Variants in CTNNA1 observed in about 807,000 individuals in gnomAD.
CTNNA1 encodes catenin alpha-1.
In CTNNA1, 37 loss-of-function variants were observed where a neutral mutation model predicts 98.4. The ratio of observed to expected loss-of-function variants is 0.38; its 90% CI spans 0.29 to 0.49. CTNNA1 has a LOEUF of 0.49. CTNNA1 is among the 20% of genes least tolerant of loss of function. CTNNA1 has a pLI of 0.95. For synonymous variants in CTNNA1, 404 were observed against 413.2 expected (o/e 0.98, Z 0.27); for missense variants, 761 against 1,147.2 (o/e 0.66, Z 4.86).
At chr5:138,852,324 T>G (rs1201111289) in intron 7 of CTNNA1, among the ~76,000 whole-genome samples, 1 of 152,150 alleles carries the variant, frequency 6.6e-6, no homozygotes, top group African/African-American at 2.4e-5. Flanking sequence ...ACATTTTTTT[T>G]GCTTCCAGGC....
At position 138,930,524 on chromosome 5, in the gene CTNNA1, G is replaced by A. The variant is rs777634448; in HGVS notation, c.2062G>A (p.Val688Met). 3.1e-6 allele frequency: 5 copies of A among 1,613,954 alleles called. No individual in the cohort carries two copies. In the African/African-American group the frequency reaches 4.0e-5, roughly 13 times the overall value. ...GCAAAAAGCGAAGATTGCGGAACAGGTGGCCAGCTTCCAGGAAGAAAAGAG... is the reference window on the plus strand; with the variant it reads ...GCAAAAAGCGAAGATTGCGGAACAGATGGCCAGCTTCCAGGAAGAAAAGAG... ...QEQKAKIAEQ[V>M]ASFQEEKSKL... Residue 688 changes from valine to methionine, a missense_variant, in exon 15 of 18, where the codon GTG (valine) becomes ATG (methionine). Val to Met is a conservative substitution (Grantham distance 21, BLOSUM62 1). Transcript: ENST00000302763.
rs368676572 is a variant in CTNNA1, at chr5:138,904,370, A to G, written c.1318A>G (p.Ile440Val). ...LIEVANLACSISNNEEGVKLV... is the reference protein window; with the variant it reads ...LIEVANLACSVSNNEEGVKLV... ...ATAGGTTGCCAACTTGGCCTGTTCC[A>G]TCTCAAATAATGAAGAAGGTGTAAA... The change falls in exon 10 of 18, where the codon ATC (isoleucine) becomes GTC (valine). Residue 440 changes from isoleucine to valine, a missense_variant. Transcript: ENST00000302763. The G allele has an allele frequency of 5.0e-6, 8 of 1,614,080 alleles. No individual in the cohort carries two copies. Among genetic ancestry groups the G allele is most frequent in the Non-Finnish European group, 6.8e-6 (8 of 1,179,960 alleles).
At chr5:138,811,138 G>T (rs570745334) in intron 4 of CTNNA1, among the ~76,000 whole-genome samples, 70 of 151,926 alleles carry the variant, frequency 4.6e-4, no homozygotes, top group Admixed American at 1.4e-3. Context: ...CTGCCGGGCG[G>T]AGGGGCTCCT....
At chr5:138,868,306 G>A (rs907765016) in intron 7 of CTNNA1, among the ~76,000 whole-genome samples, 1 of 152,190 alleles carries the variant, frequency 6.6e-6, no homozygotes, top group Non-Finnish European at 1.5e-5. Context: ...TAACCCCAGT[G>A]TTGTTCAAGG....
chr5:138,837,228 T>C (rs1023197681), intron 7 of CTNNA1, among the ~76,000 whole-genome samples: 1 of 152,198 alleles, frequency 6.6e-6, no homozygotes, highest in African/African-American at 2.4e-5. Flanking sequence ...TTTCTTGCAG[T>C]GTATATCAAA....
chr5:138,784,957 C>T (rs1389657706), intron 3 of CTNNA1, among the ~76,000 whole-genome samples: 1 of 152,158 alleles, frequency 6.6e-6, no homozygotes, highest in Admixed American at 6.5e-5. Flanking sequence ...ATATCATCTG[C>T]AAAGACCCTG....
In CTNNA1 at chr5:138,924,662, G is replaced by A; in HGVS notation, c.1699G>A (p.Val567Ile). 1 of 1,605,040 alleles carries A rather than the reference G, an allele frequency of 6.2e-7. No individual in the cohort carries two copies. Among genetic ancestry groups the A allele is most frequent in the Non-Finnish European group, 8.5e-7 (1 of 1,175,698 alleles). ...TSEMDNYEPG[V>I]YTEKVLEATK... The stretch of plus-strand genomic sequence containing the variant: ...AGAGATGGACAACTATGAGCCAGGA[G>A]TCTACACAGAGAAGGTTCTGGAAGC... The change falls in exon 12 of 18, where the codon GTC becomes ATC. Residue 567 changes from valine (V) to isoleucine (I), a missense_variant. By Grantham distance (29) the Val-to-Ile change is conservative (BLOSUM62 3). Transcript: ENST00000302763.
chr5:138,791,125 A>G (rs1367233953), intron 3 of CTNNA1: 1 of 152,048 alleles, frequency 6.6e-6, no homozygotes, highest in Non-Finnish European at 1.5e-5. Flanking sequence ...TTCCCCTTTC[A>G]TATCTATTTA....
At chr5:138,847,297 T>TTA (rs1554088885) in intron 7 of CTNNA1, among the ~76,000 whole-genome samples, 2 of 151,844 alleles carry the variant, frequency 1.3e-5, no homozygotes, top group Non-Finnish European at 2.9e-5. Context: ...AAAGCCGGCG[T>TTA]AGTCCCTCCC....
intron 11 of CTNNA1, among the ~76,000 whole-genome samples, chr5:138,919,094 A>G (rs1004858140): frequency 2.0e-5 from 3 of 152,190 alleles, no homozygotes; most frequent in Non-Finnish European, 4.4e-5. Flanking sequence ...AGGACTGCCA[A>G]ATTGCAGGTG....
At chr5:138,851,952 C>T (rs1297286119) in intron 7 of CTNNA1, among the ~76,000 whole-genome samples, 2 of 151,900 alleles carry the variant, frequency 1.3e-5, no homozygotes, top group African/African-American at 2.4e-5. Flanking sequence ...TGCCTGTAAT[C>T]CCAGCTACTC....
intron 7 of CTNNA1, among the ~76,000 whole-genome samples, chr5:138,853,296 A>G (rs1763412015): frequency 6.6e-6 from 1 of 152,182 alleles, no homozygotes; most frequent in Non-Finnish European, 1.5e-5. Flanking sequence ...GAATTCAAAT[A>G]ATCTTTTTAA....
At chr5:138,814,751 GGTTTTTTTTT>G (rs755503359) in intron 5 of CTNNA1, among the ~76,000 whole-genome samples, 2 of 151,652 alleles carry the variant, frequency 1.3e-5, no homozygotes, top group Non-Finnish European at 2.9e-5. Context: ...TAAATAGATG[GGTTTTTTTTT>G]GTTTTTTTTT....
intron 5 of CTNNA1, among the ~76,000 whole-genome samples, chr5:138,812,672 CTG>C (rs1248763856): frequency 6.6e-6 from 1 of 152,152 alleles, no homozygotes; most frequent in Non-Finnish European, 1.5e-5. Flanking sequence ...GGAATTATCT[CTG>C]TATCAGAAAG....
chr5:138,859,994 TGTG>T (rs1198602071), intron 7 of CTNNA1, among the ~76,000 whole-genome samples: 3 of 151,912 alleles, frequency 2.0e-5, no homozygotes, highest in Non-Finnish European at 4.4e-5. Context: ...GAGGGCGGGG[TGTG>T]GTGTGCGTGT....
chr5:138,820,968 G>GAGAT, intron 5 of CTNNA1, among the ~76,000 whole-genome samples: 1 of 152,206 alleles, frequency 6.6e-6, no homozygotes, highest in East Asian at 1.9e-4. Context: ...CCAGAGGACA[G>GAGAT]AGATACTGTG....
chr5:138,934,183 C>CTAGAT lies in CTNNA1; in HGVS notation c.*96_*100dup. 1 of 900,162 alleles carries CTAGAT rather than the reference C, an allele frequency of 1.1e-6. No individual in the cohort carries two copies. Among genetic ancestry groups the CTAGAT allele is most frequent in the South Asian group, 1.7e-5 (1 of 60,224 alleles). 55.8% of individuals were successfully genotyped at this position (900,162 alleles called of 1,614,324 possible). A position where few individuals can be genotyped will look rare whatever the true frequency, so the allele number is the denominator to read the frequency against. ...GAATTTGCTAAATACAACACTGATACTAGATTCCACAGGGAAATGGGCAGA... is the reference window on the plus strand; with the variant it reads ...GAATTTGCTAAATACAACACTGATACTAGATTAGATTCCACAGGGAAATGGGCAGA... On this transcript the variant is annotated 3_prime_UTR_variant, in exon 18 of 18. Coordinates refer to ENST00000302763, the MANE Select transcript of CTNNA1 (RefSeq NM_001903.5).
intron 3 of CTNNA1, among the ~76,000 whole-genome samples, chr5:138,802,857 G>T (rs963108306): frequency 2.6e-5 from 4 of 152,146 alleles, no homozygotes; most frequent in African/African-American, 9.7e-5. Flanking sequence ...GAGTGCAGTG[G>T]TGCAGTCCCA....
intron 7 of CTNNA1, chr5:138,828,242 G>T (rs1051525710): frequency 6.4e-6 from 1 of 156,978 alleles, no homozygotes; most frequent in South Asian, 1.9e-4. Context: ...AAGTTTTTTC[G>T]TGAACCATAT....
Sources: allele counts gnomAD v4.1 joint callset (sites outside exome capture counted in the v4.1 genomes callset), GRCh38; gene constraint gnomAD v4.1.1; transcripts MANE v1.5; gene names NCBI Gene and HGNC (gene_info 2026-07-23, HGNC 2026-07-21).